Variants in ZFHX4 observed in about 807,000 individuals in gnomAD.
The protein encoded by ZFHX4 is zinc finger homeobox protein 4.
In ZFHX4, 56 loss-of-function variants were observed where a neutral mutation model predicts 267.6. The ratio of observed to expected loss-of-function variants is 0.21; its 90% CI spans 0.17 to 0.26. The LOEUF is 0.26. ZFHX4 is among the 10% of genes least tolerant of loss of function. The probability of loss-of-function intolerance (pLI) is 1.00; values close to 1 mark genes in which losing one functional copy is unlikely to be tolerated. For synonymous variants in ZFHX4, 1,778 were observed against 1,665.6 expected, an observed-to-expected ratio of 1.07 and a Z score of -1.64; for missense variants, 4,332 against 4,420.0, an observed-to-expected ratio of 0.98 and a Z score of 0.56.
chr8:76,784,497 A>G (rs1480133473), intron 4 of ZFHX4, among the ~76,000 whole-genome samples: 1 of 152,028 alleles, frequency 6.6e-6, no homozygotes, highest in Non-Finnish European at 1.5e-5. Flanking sequence ...TCATTGCTCT[A>G]GCCATGGGTG....
chr8:76,836,110 G>A (rs1812086717), intron 5 of ZFHX4, among the ~76,000 whole-genome samples: 1 of 152,076 alleles, frequency 6.6e-6, no homozygotes, highest in African/African-American at 2.4e-5. Flanking sequence ...CAGAGACTGG[G>A]GAGCATATAT....
At chr8:76,797,326 G>A (rs1282207384) in intron 4 of ZFHX4, among the ~76,000 whole-genome samples, 1 of 152,240 alleles carries the variant, frequency 6.6e-6, no homozygotes, top group Non-Finnish European at 1.5e-5. Context: ...TTAGAAAAGC[G>A]CTGATAAACC....
intron 4 of ZFHX4, among the ~76,000 whole-genome samples, chr8:76,825,204 T>G (rs1486232315): frequency 6.6e-6 from 1 of 152,236 alleles, no homozygotes; most frequent in Non-Finnish European, 1.5e-5. Context: ...CAGAGAAGAA[T>G]TATGCATAAG....
At chr8:76,729,371 T>A (rs1243906197) in intron 3 of ZFHX4, among the ~76,000 whole-genome samples, 1 of 152,160 alleles carries the variant, frequency 6.6e-6, no homozygotes, top group Non-Finnish European at 1.5e-5. Flanking sequence ...ATATTTTGTT[T>A]TTATTTGGTT....
chr8:76,852,344 C>T lies in ZFHX4; in HGVS notation c.5423C>T (p.Pro1808Leu). The T allele has an allele frequency of 1.3e-6, 2 of 1,553,314 alleles. No individual in the cohort carries two copies. Among genetic ancestry groups the T allele is most frequent in the South Asian group, 1.2e-5 (1 of 84,352 alleles). ...GCACAACAATACCAAGCCACACAGC[C>T]CCAGCTGCAGCCTCAAAAACAACAG... ...QQAQQYQATQ[P>L]QLQPQKQQQQ... Residue 1808 changes from proline to leucine, a missense_variant, in exon 10 of 11, where the codon CCC becomes CTC. By Grantham distance (98) the Pro-to-Leu change is moderately conservative. Coordinates refer to ENST00000651372, the MANE Select transcript of ZFHX4 (RefSeq NM_024721.5).
chr8:76,847,421 C>A (rs201332187), intron 6 of ZFHX4, among the ~76,000 whole-genome samples: 3 of 151,894 alleles, frequency 2.0e-5, no homozygotes, highest in Non-Finnish European at 4.4e-5. Flanking sequence ...TTTCAAATAT[C>A]TAGAAATAAC....
chr8:76,743,444 C>A (rs1809374345), intron 3 of ZFHX4, among the ~76,000 whole-genome samples: 1 of 152,132 alleles, frequency 6.6e-6, no homozygotes, highest in Non-Finnish European at 1.5e-5. Flanking sequence ...CCCATGATAG[C>A]CATTTTAAAT....
At position 76,853,202 on chromosome 8, in the gene ZFHX4, A is replaced by G. The variant is rs1181163085; in HGVS notation, c.6281A>G (p.Gln2094Arg). 6.4e-7 allele frequency: 1 copy of G among 1,558,630 alleles called. No individual in the cohort carries two copies. The highest frequency in any genetic ancestry group is 2.4e-5 in the East Asian group (1 of 41,402). The change falls in exon 10 of 11, where the codon CAG becomes CGG. Residue 2094 changes from glutamine (Q) to arginine (R), a missense_variant. Physicochemically the swap from Gln to Arg is conservative, Grantham distance 43. Transcript: ENST00000651372. ...GTGCAACACCCTGCGCTTCCTCCCC[A>G]GCTTGCCCTGCAGCTGCCACAGATG... ...QPVQHPALPPQLALQLPQMDA... is the reference protein window; with the variant it reads ...QPVQHPALPPRLALQLPQMDA...
At chr8:76,797,521 T>C (rs1729747753) in intron 4 of ZFHX4, among the ~76,000 whole-genome samples, 1 of 152,192 alleles carries the variant, frequency 6.6e-6, no homozygotes, top group South Asian at 2.1e-4. Flanking sequence ...CTGTGTTTGT[T>C]ATTGTGTTTG....
chr8:76,698,735 TTG>T (rs1172700005), intron 1 of ZFHX4, among the ~76,000 whole-genome samples: 1 of 152,140 alleles, frequency 6.6e-6, no homozygotes, highest in Non-Finnish European at 1.5e-5. Context: ...ATACTCATAC[TTG>T]TCTTTGTAAA....
At chr8:76,778,673 A>G (rs908732086) in intron 4 of ZFHX4, among the ~76,000 whole-genome samples, 9 of 152,200 alleles carry the variant, frequency 5.9e-5, no homozygotes, top group African/African-American at 1.9e-4. Context: ...TTTAGCAGGC[A>G]TGCAGGAGGT....
intron 4 of ZFHX4, among the ~76,000 whole-genome samples, chr8:76,814,794 T>C (rs1483561311): frequency 6.6e-6 from 1 of 152,122 alleles, no homozygotes; most frequent in East Asian, 1.9e-4. Flanking sequence ...ACTTCAGAAC[T>C]TCCTAGGTCC....
intron 5 of ZFHX4, among the ~76,000 whole-genome samples, chr8:76,841,866 G>A (rs1342066437): frequency 6.6e-6 from 1 of 152,188 alleles, no homozygotes; most frequent in Non-Finnish European, 1.5e-5. Flanking sequence ...ATCGCAGGAT[G>A]AAAGAGAACA....
intron 4 of ZFHX4, among the ~76,000 whole-genome samples, chr8:76,811,991 T>A (rs10097075): frequency 1.8e-3 from 268 of 152,330 alleles, no homozygotes; most frequent in African/African-American, 6.2e-3. Flanking sequence ...CAGAAAACCC[T>A]ATCAAGGTCA....
intron 3 of ZFHX4, among the ~76,000 whole-genome samples, chr8:76,732,354 T>C (rs1563490089): frequency 6.6e-6 from 1 of 152,100 alleles, no homozygotes; most frequent in Non-Finnish European, 1.5e-5. Flanking sequence ...GGGCAGTCTG[T>C]TTTATGGGAT....
chr8:76,706,152 G>C lies in ZFHX4; in HGVS notation c.2064G>C (p.Arg688=). The C allele has an allele frequency of 6.2e-7, 1 of 1,614,004 alleles. No homozygotes were observed. Among genetic ancestry groups the C allele is most frequent in the Non-Finnish European group, 8.5e-7 (1 of 1,179,970 alleles). ...GACAGCCTCACCCCAGGCTTGCCCGGGGTGAGAGTTACACGTGTGGCTATA... is the reference window on the plus strand; with the variant it reads ...GACAGCCTCACCCCAGGCTTGCCCGCGGTGAGAGTTACACGTGTGGCTATA... ...KTGQPHPRLA[R]GESYTCGYKP... The change falls in exon 2 of 11, where the codon CGG becomes CGC. Residue 688 remains arginine (R), a synonymous_variant. Transcript: ENST00000651372.
intron 3 of ZFHX4, among the ~76,000 whole-genome samples, chr8:76,749,106 C>T (rs566815977): frequency 1.6e-4 from 24 of 152,158 alleles, no homozygotes; most frequent in Non-Finnish European, 2.1e-4. Context: ...TTCCAGCAAT[C>T]CAAGCTTTCT....
intron 3 of ZFHX4, among the ~76,000 whole-genome samples, chr8:76,760,397 C>T (rs1809878127): frequency 6.6e-6 from 1 of 152,114 alleles, no homozygotes; most frequent in African/African-American, 2.4e-5. Flanking sequence ...AAGTTTGGCA[C>T]TGAAGATACA....
At chr8:76,814,566 G>A (rs1224162814) in intron 4 of ZFHX4, among the ~76,000 whole-genome samples, 1 of 152,102 alleles carries the variant, frequency 6.6e-6, no homozygotes, top group Non-Finnish European at 1.5e-5. Context: ...AAAAACAAAT[G>A]CTGTTCCTTA....
Sources: allele counts gnomAD v4.1 joint callset (sites outside exome capture counted in the v4.1 genomes callset), GRCh38; gene constraint gnomAD v4.1.1; transcripts MANE v1.5; gene names NCBI Gene and HGNC (gene_info 2026-07-23, HGNC 2026-07-21).